The following KLHL13 variants were observed in gnomAD, a reference collection of about 807,000 sequenced individuals.
The protein encoded by KLHL13 is kelch like family member 13.
In KLHL13, 10 loss-of-function variants were observed where a neutral mutation model predicts 37.1. That is an observed-to-expected ratio of 0.27 (90% CI 0.17 to 0.46). The LOEUF (loss-of-function observed/expected upper bound fraction) is 0.46, where lower values mean the gene tolerates loss of function less well. KLHL13 is among the 20% of genes least tolerant of loss of function. The pLI is 1.00. For missense variants in KLHL13, 360 were observed against 509.3 expected, an observed-to-expected ratio of 0.71 and a Z score of 2.82; for synonymous variants, 163 against 181.2, an observed-to-expected ratio of 0.90 and a Z score of 0.81.
intron 1 of KLHL13, among the ~76,000 whole-genome samples, chrX:118,037,467 C>A (rs1297298807): frequency 1.0e-5 from 1 of 97,129 alleles, no homozygotes; most frequent in African/African-American, 3.8e-5. Context: ...AATTGGAAAT[C>A]ATCATTCTCA....
chrX:118,000,054 T>C (rs1049982563), intron 1 of KLHL13, among the ~76,000 whole-genome samples: 8 of 112,142 alleles, frequency 7.1e-5, no homozygotes, highest in African/African-American at 2.6e-4. Flanking sequence ...ACTCATTTCA[T>C]ACTTGTGAGA....
At chrX:118,043,640 A>T (rs2054528990) in intron 1 of KLHL13, among the ~76,000 whole-genome samples, 1 of 112,175 alleles carries the variant, frequency 8.9e-6, no homozygotes, top group Non-Finnish European at 1.9e-5. Flanking sequence ...CAAAAACCTT[A>T]TGATCATTTC....
chrX:117,954,654 A>C (rs761288941), intron 1 of KLHL13, among the ~76,000 whole-genome samples: 1 of 112,476 alleles, frequency 8.9e-6, no homozygotes, highest in Non-Finnish European at 1.9e-5. Flanking sequence ...CACATGTGAT[A>C]ATGGTGGTAG....
At chrX:118,011,703 A>G (rs1018254293) in intron 1 of KLHL13, among the ~76,000 whole-genome samples, 1 of 111,478 alleles carries the variant, frequency 9.0e-6, no homozygotes, top group African/African-American at 3.3e-5. Context: ...TGGTGGTGTC[A>G]TCAAACAATA....
chrX:117,924,349 G>A (rs73595634), intron 2 of KLHL13, among the ~76,000 whole-genome samples: 1 of 111,870 alleles, frequency 8.9e-6, no homozygotes, highest in Non-Finnish European at 1.9e-5. Context: ...AAGAAAAAGA[G>A]AGAGGTTCAT....
At chrX:118,117,065 CG>C (rs1329404048), upstream of KLHL13, among the ~76,000 whole-genome samples, 3 of 112,986 alleles carry the variant, frequency 2.7e-5, no homozygotes, top group Non-Finnish European at 5.6e-5. Context: ...CCTCGGAAAC[CG>C]GGAGGCTCTG....
chrX:118,032,767 A>G (rs1461147047), intron 1 of KLHL13, among the ~76,000 whole-genome samples: 4 of 112,283 alleles, frequency 3.6e-5, no homozygotes, highest in Non-Finnish European at 7.5e-5. Context: ...CTGAGAGAAG[A>G]AGGCTTCAGA....
rs975996014 is a variant in KLHL13, at chrX:117,961,438, T to C, written c.98+11293A>G. Among the ~76,000 whole-genome samples, 8 of 112,278 alleles carry C rather than the reference T, an allele frequency of 7.1e-5. No homozygotes were observed. In the East Asian group the frequency reaches 1.1e-3, roughly 16 times the overall value. On this transcript the variant is annotated intron_variant, in intron 1 of 6. Coordinates refer to ENST00000262820, the Ensembl canonical transcript of KLHL13. ...ATGATTGTGTTCAACTAGAGTATTG[T>C]AGATACAACAAATGACCTCCTAAAG... is the stretch of plus-strand genomic sequence containing the variant.
At chrX:118,065,730 A>G (rs1268434453) in intron 1 of KLHL13, among the ~76,000 whole-genome samples, 1 of 111,714 alleles carries the variant, frequency 9.0e-6, no homozygotes, top group Non-Finnish European at 1.9e-5. Flanking sequence ...TGGCCTCCCT[A>G]GGCTCCATTA....
intron 1 of KLHL13, among the ~76,000 whole-genome samples, chrX:117,949,075 A>G (rs1273854605): frequency 7.1e-5 from 8 of 112,444 alleles, no homozygotes; most frequent in Admixed American, 6.6e-4. Context: ...AAGTGATATG[A>G]GCACACAATT....
At chrX:118,074,475 T>C (rs1219522916) in intron 1 of KLHL13, among the ~76,000 whole-genome samples, 1 of 111,778 alleles carries the variant, frequency 8.9e-6, no homozygotes, top group South Asian at 3.8e-4. Flanking sequence ...CAGGAAATTT[T>C]CCATGGATGT....
upstream of KLHL13, among the ~76,000 whole-genome samples, chrX:117,978,465 G>A (rs2053619189): frequency 8.9e-6 from 1 of 111,736 alleles, no homozygotes; most frequent in Admixed American, 9.5e-5. Context: ...CAATAGGGGT[G>A]AGGAAGGTAA....
rs765305943 is a variant in KLHL13, at chrX:117,954,050, A to C, written c.99-8475T>G. The stretch of plus-strand genomic sequence containing the variant: ...TGCCAACCATCACAATAACAGATAT[A>C]ACACTATGACGTAGATAAGGGAATT... On this transcript the variant is annotated intron_variant, in intron 1 of 6. Coordinates refer to ENST00000262820, the Ensembl canonical transcript of KLHL13. 1.1e-4 allele frequency among the ~76,000 whole-genome samples: 12 copies of C among 111,706 alleles called. 1 individual carries two copies. The South Asian group carries it at 4.5e-3, about 42-fold the overall frequency.
intron 2 of KLHL13, among the ~76,000 whole-genome samples, chrX:117,935,276 C>T (rs1275376921): frequency 1.8e-5 from 2 of 112,100 alleles, no homozygotes; most frequent in African/African-American, 6.5e-5. Context: ...ATTATTTGAA[C>T]ACAGAAAGGA....
intron 2 of KLHL13, among the ~76,000 whole-genome samples, chrX:117,936,758 T>A (rs1932773368): frequency 9.0e-6 from 1 of 111,313 alleles, no homozygotes; most frequent in Non-Finnish European, 1.9e-5. Flanking sequence ...GGTATACCCA[T>A]AACTTCTGAT....
chrX:118,036,673 A>G (rs1398377253), intron 1 of KLHL13, among the ~76,000 whole-genome samples: 1 of 111,568 alleles, frequency 9.0e-6, no homozygotes, highest in African/African-American at 3.3e-5. Context: ...CATTCAGGAC[A>G]TAGGCATGGG....
chrX:118,018,323 TAGA>T (rs1346760711), intron 1 of KLHL13, among the ~76,000 whole-genome samples: 35 of 111,812 alleles, frequency 3.1e-4, no homozygotes, highest in African/African-American at 1.1e-3. Context: ...GGTCAATGAG[TAGA>T]AGAACTCATC....
intron 1 of KLHL13, among the ~76,000 whole-genome samples, chrX:117,991,693 GTAA>G (rs760870908): frequency 9.0e-6 from 1 of 110,980 alleles, no homozygotes; most frequent in East Asian, 2.8e-4. Context: ...TTCTTAAAAA[GTAA>G]TAATAATAAA....
intron 1 of KLHL13, among the ~76,000 whole-genome samples, chrX:118,046,981 A>G (rs1232283266): frequency 1.8e-5 from 2 of 111,865 alleles, no homozygotes; most frequent in African/African-American, 6.5e-5. Flanking sequence ...CTTGAAAAAC[A>G]AAACAAAAAT....
Sources: gnomAD v4.1 joint callset for allele counts (sites outside exome capture counted in the v4.1 genomes callset) on GRCh38, gnomAD v4.1.1 for gene constraint, MANE v1.5 for transcripts, NCBI Gene and HGNC (gene_info 2026-07-23, HGNC 2026-07-21) for gene names.